Variants in PDCL3 observed in about 807,000 individuals in gnomAD.
PDCL3 encodes phosducin-like protein 3.
PDCL3 carries 22 observed loss-of-function variants against 26.5 expected under a neutral mutation model. The observed-to-expected ratio is 0.83, with a 90% CI of 0.59 to 1.19. The LOEUF (loss-of-function observed/expected upper bound fraction) is 1.19, where lower values mean the gene tolerates loss of function less well. Among genes scored for constraint, PDCL3 ranks in the 50% most tolerant of loss-of-function variants. The pLI is 0.00. For missense variants in PDCL3, 246 were observed against 294.1 expected (o/e 0.84, Z 1.20); for synonymous variants, 81 against 104.9 (o/e 0.77, Z 1.39).
intron 1 of PDCL3, among the ~76,000 whole-genome samples, chr2:100,565,444 T>G (rs1675044479): frequency 6.6e-6 from 1 of 151,834 alleles, no homozygotes; most frequent in Non-Finnish European, 1.5e-5. Flanking sequence ...CCGGCTAATT[T>G]TTTGTGTTTT....
rs1191575986 is a variant in PDCL3 at position 100,568,867 on chromosome 2, AAG to A, written c.134-62_134-61del. 2.2e-6 allele frequency: 3 copies of A among 1,381,478 alleles called. No homozygotes were observed. The Admixed American group carries it at 5.2e-5, about 24-fold the overall frequency. 85.6% of individuals were successfully genotyped at this position (1,381,478 alleles called of 1,614,324 possible). A position where few individuals can be genotyped will look rare whatever the true frequency, so the allele number is the denominator to read the frequency against. On this transcript the variant is annotated intron_variant, in intron 2 of 5. Transcript: ENST00000264254. ...CTTTAGGAGAAAAGAGAGGGGAAAA[AAG>A]AAAAATACATGTTCGTTCATCTTTT...
At position 100,563,037 on chromosome 2, in the gene PDCL3, A is replaced by C. The variant is rs763278762; in HGVS notation, c.-31A>C. ...CTGAGGGGCGGGGGCGCTGCGGCAC[A>C]GCTGGTTTGAGCAACTGAACTGGAA... On this transcript the variant is annotated 5_prime_UTR_variant, in exon 1 of 6. Transcript: ENST00000264254. The C allele has an allele frequency of 2.8e-5, 45 of 1,596,792 alleles. No homozygotes were observed. The highest frequency in any genetic ancestry group is 3.8e-5 in the Non-Finnish European group (45 of 1,172,262).
rs1362885113 is a variant in PDCL3 at position 100,576,622 on chromosome 2, C to T, written c.*126C>T. 4 of 1,030,434 alleles carry T rather than the reference C, an allele frequency of 3.9e-6. No homozygotes were observed. The highest frequency in any genetic ancestry group is 3.8e-6 in the Non-Finnish European group (3 of 790,572). 63.8% of individuals were successfully genotyped at this position (1,030,434 alleles called of 1,614,324 possible). Reference sequence around the variant, plus strand: ...GTATAAATTATGTTTCAAATCTTTACATTTTGGAAATAATCATTGCTGGAG... The same window carrying T: ...GTATAAATTATGTTTCAAATCTTTATATTTTGGAAATAATCATTGCTGGAG... On this transcript the variant is annotated 3_prime_UTR_variant, in exon 6 of 6. Transcript: ENST00000264254.
intron 5 of PDCL3, among the ~76,000 whole-genome samples, chr2:100,575,407 T>A (rs977435247): frequency 6.6e-6 from 1 of 152,214 alleles, no homozygotes; most frequent in Non-Finnish European, 1.5e-5. Context: ...AGTGCTGGGA[T>A]TACAGGCATG....
chr2:100,575,743 A>AC (rs1271894010), intron 5 of PDCL3, among the ~76,000 whole-genome samples: 5 of 152,120 alleles, frequency 3.3e-5, no homozygotes, highest in African/African-American at 4.8e-5. Flanking sequence ...TTATTCTTTG[A>AC]CCCCAATAGA....
chr2:100,570,097 G>A (rs1191868250), intron 4 of PDCL3, among the ~76,000 whole-genome samples: 2 of 152,140 alleles, frequency 1.3e-5, no homozygotes, highest in African/African-American at 2.4e-5. Flanking sequence ...GCGACAGAGC[G>A]AGACTTTGTC....
intron 2 of PDCL3, among the ~76,000 whole-genome samples, chr2:100,567,461 TGGA>T (rs1675079264): frequency 6.6e-6 from 1 of 151,880 alleles, no homozygotes; most frequent in Non-Finnish European, 1.5e-5. Context: ...TAGAAAGGGT[TGGA>T]GGAGAAGCAG....
chr2:100,576,450 G>A lies in PDCL3; in HGVS notation c.674G>A (p.Arg225Gln), dbSNP rs888205964. The A allele has an allele frequency of 9.9e-6, 16 of 1,613,682 alleles. No individual in the cohort carries two copies. The highest frequency in any genetic ancestry group is 6.7e-5 in the East Asian group (3 of 44,886). Residue 225 changes from arginine to glutamine, a missense_variant, in exon 6 of 6, where the codon CGG (arginine) becomes CAG (glutamine). Coordinates refer to ENST00000264254, the MANE Select transcript of PDCL3 (RefSeq NM_024065.5). The stretch of plus-strand genomic sequence containing the variant: ...GAAGACGTGTTGCTGTCCTCAGTGC[G>A]GCGCTCTGTCCTCATGAAGAGGGAC... ...PIEDVLLSSV[R>Q]RSVLMKRDSD...
intron 4 of PDCL3, among the ~76,000 whole-genome samples, chr2:100,570,329 C>G (rs1035760490): frequency 6.6e-6 from 1 of 152,090 alleles, no homozygotes. Context: ...TTTCAACATT[C>G]TATGTAATGA....
chr2:100,564,987 G>A (rs977865921), intron 1 of PDCL3, among the ~76,000 whole-genome samples: 47 of 152,252 alleles, frequency 3.1e-4, no homozygotes, highest in Non-Finnish European at 6.3e-4. Flanking sequence ...TCTCAGGTTT[G>A]GCCATTAGAG....
At chr2:100,563,506 C>T (rs1234416453) in intron 1 of PDCL3, 3 of 163,212 alleles carry the variant, frequency 1.8e-5, no homozygotes, top group Non-Finnish European at 4.0e-5. Flanking sequence ...CCACTGAGAG[C>T]CAGGTGAGGG....
chr2:100,564,991 A>G lies in PDCL3; in HGVS notation c.7-1512A>G, dbSNP rs1228242493. The stretch of plus-strand genomic sequence containing the variant: ...TCAGCTTTTCCTCTCAGGTTTGGCC[A>G]TTAGAGAATTCTGTCAGCCAAGCCT... On this transcript the variant is annotated intron_variant, in intron 1 of 5. Transcript: ENST00000264254. Among the ~76,000 whole-genome samples, 6 of 152,350 alleles carry G rather than the reference A, an allele frequency of 3.9e-5. No homozygotes were observed. In the South Asian group the frequency reaches 1.0e-3, roughly 26 times the overall value.
At chr2:100,569,787 G>C (rs533713468) in intron 4 of PDCL3, 66 bp downstream of exon 4, 1 of 1,555,924 alleles carries the variant, frequency 6.4e-7, no homozygotes, top group African/African-American at 1.4e-5. Flanking sequence ...GATCTCAGGC[G>C]TTACCTATAT....
intron 5 of PDCL3, among the ~76,000 whole-genome samples, chr2:100,572,712 G>A (rs1388286057): frequency 1.4e-5 from 2 of 144,724 alleles, no homozygotes; most frequent in African/African-American, 5.2e-5. Context: ...TAGAGACAGG[G>A]TTTCTCCATG....
intron 1 of PDCL3, 36 bp from the exon 2 acceptor site, chr2:100,566,467 T>A: frequency 6.2e-7 from 1 of 1,609,890 alleles, no homozygotes; most frequent in Non-Finnish European, 8.5e-7. Flanking sequence ...CATACTAGAC[T>A]TAGCACTCAT....
At position 100,569,606 on chromosome 2, in the gene PDCL3, A is replaced by T; in HGVS notation, c.253A>T (p.Thr85Ser). ...GCGGAGACTGGCTGAGTGGAAAGCA[A>T]CTAAACTGAAGAATAAATTCGGAGA... ...RRRRLAEWKA[T>S]KLKNKFGEVL... Residue 85 changes from threonine (T) to serine (S), a missense_variant, in exon 4 of 6, where the codon ACT (threonine) becomes TCT (serine). Coordinates refer to ENST00000264254, the MANE Select transcript of PDCL3 (RefSeq NM_024065.5). 1 of 1,613,780 alleles carries T rather than the reference A, an allele frequency of 6.2e-7. No homozygotes were observed. The highest frequency in any genetic ancestry group is 8.5e-7 in the Non-Finnish European group (1 of 1,179,882).
chr2:100,576,519 C>A lies in PDCL3; in HGVS notation c.*23C>A. Reference sequence around the variant, plus strand: ...TGAGGCTACAGCTTCTATCACATGCCGAACTTTCTTGTGACAAATTGTCTG... The same window carrying A: ...TGAGGCTACAGCTTCTATCACATGCAGAACTTTCTTGTGACAAATTGTCTG... On this transcript the variant is annotated 3_prime_UTR_variant, in exon 6 of 6. Transcript: ENST00000264254. The A allele has an allele frequency of 1.3e-6, 2 of 1,525,376 alleles. No individual in the cohort carries two copies. Among genetic ancestry groups the A allele is most frequent in the South Asian group, 1.3e-5 (1 of 77,964 alleles). 94.5% of individuals were successfully genotyped at this position (1,525,376 alleles called of 1,614,324 possible).
In PDCL3 at chr2:100,568,927, T is replaced by A. The variant is rs766982784; in HGVS notation, c.134-4T>A. ...TTGCTTTTTGCCAATGTAACCAAATTCAGTGAAAACATATGAAGATATGAC... is the reference window on the plus strand; with the variant it reads ...TTGCTTTTTGCCAATGTAACCAAATACAGTGAAAACATATGAAGATATGAC... On this transcript the variant is annotated splice_polypyrimidine_tract_variant and splice_region_variant and intron_variant, in intron 2 of 5. Transcript: ENST00000264254. 6.2e-7 allele frequency: 1 copy of A among 1,607,932 alleles called. No homozygotes were observed. Among genetic ancestry groups the A allele is most frequent in the Admixed American group, 1.7e-5 (1 of 57,570 alleles).
At chr2:100,572,842 T>G (rs1675206028) in intron 5 of PDCL3, among the ~76,000 whole-genome samples, 2 of 151,394 alleles carry the variant, frequency 1.3e-5, no homozygotes, top group Non-Finnish European at 2.9e-5. Flanking sequence ...AATTAAAATT[T>G]TATTTAATTC....
Sources: gnomAD v4.1 joint callset for allele counts (sites outside exome capture counted in the v4.1 genomes callset) on GRCh38, gnomAD v4.1.1 for gene constraint, MANE v1.5 for transcripts, NCBI Gene and HGNC (gene_info 2026-07-23, HGNC 2026-07-21) for gene names.